PRKCA: variants seen among roughly 807,000 people sequenced by gnomAD.
PRKCA encodes protein kinase C alpha type.
Under a neutral mutation model 87.0 loss-of-function variants are expected in PRKCA, and 27 were observed. The observed-to-expected ratio is 0.31, with a 90% CI of 0.23 to 0.43. PRKCA has a LOEUF of 0.43. PRKCA is among the 20% of genes least tolerant of loss of function. The pLI, the probability that PRKCA is intolerant of heterozygous loss-of-function variation, is 1.00. For missense variants in PRKCA, 518 were observed against 852.3 expected (o/e 0.61, Z 4.88); for synonymous variants, 329 against 311.1 (o/e 1.06, Z -0.61).
chr17:66,518,763 T>C (rs540000572), intron 3 of PRKCA, among the ~76,000 whole-genome samples: 67 of 152,352 alleles, frequency 4.4e-4, no homozygotes, highest in Middle Eastern at 3.4e-3. Flanking sequence ...TCTCCTAAAC[T>C]GGGTGTGCAT....
At chr17:66,589,459 A>G (rs1225051253) in intron 3 of PRKCA, among the ~76,000 whole-genome samples, 2 of 152,086 alleles carry the variant, frequency 1.3e-5, no homozygotes, top group African/African-American at 4.8e-5. Context: ...GTAGTATTCC[A>G]TTGTTATCTT....
intron 2 of PRKCA, among the ~76,000 whole-genome samples, chr17:66,391,596 C>T (rs1186965309): frequency 6.6e-6 from 1 of 152,204 alleles, no homozygotes; most frequent in Admixed American, 6.5e-5. Flanking sequence ...TAGATGGTCA[C>T]TTAGTAGCCA....
At chr17:66,486,934 C>T (rs1026644788) in intron 2 of PRKCA, among the ~76,000 whole-genome samples, 1 of 152,008 alleles carries the variant, frequency 6.6e-6, no homozygotes, top group Admixed American at 6.6e-5. Context: ...ATCAGATGCA[C>T]CCCCAAAATA....
intron 2 of PRKCA, among the ~76,000 whole-genome samples, chr17:66,314,917 ATATG>A (rs1249677158): frequency 1.4e-5 from 2 of 146,000 alleles, no homozygotes; most frequent in Non-Finnish European, 3.0e-5. Context: ...ATGTATGTGT[ATATG>A]TGTGTATATA....
intron 2 of PRKCA, among the ~76,000 whole-genome samples, chr17:66,437,731 T>TTTTTTTTTAG (rs55779501): frequency 1.8e-4 from 2 of 11,142 alleles, no homozygotes; most frequent in African/African-American, 3.9e-4. Flanking sequence ...TTTTTTTTTT[T>TTTTTTTTTAG]GAGCGGGGGG....
intron 3 of PRKCA, among the ~76,000 whole-genome samples, chr17:66,585,981 T>C (rs1969583425): frequency 6.6e-6 from 1 of 152,198 alleles, no homozygotes; most frequent in South Asian, 2.1e-4. Context: ...GATTAACAAA[T>C]CTGTTGGGTG....
intron 16 of PRKCA, among the ~76,000 whole-genome samples, chr17:66,791,153 T>A (rs1201603924): frequency 9.6e-6 from 1 of 103,780 alleles, no homozygotes; most frequent in Non-Finnish European, 1.9e-5. Flanking sequence ...CCCCCCTCCC[T>A]TTTGTTTGTT....
chr17:66,753,342 C>A (rs185849629), intron 13 of PRKCA, among the ~76,000 whole-genome samples: 1 of 152,342 alleles, frequency 6.6e-6, no homozygotes, highest in East Asian at 1.9e-4. Flanking sequence ...CCTGTGAACA[C>A]CGCCCTGCTG....
chr17:66,329,764 C>G (rs965904719), intron 2 of PRKCA, among the ~76,000 whole-genome samples: 1 of 152,170 alleles, frequency 6.6e-6, no homozygotes, highest in Non-Finnish European at 1.5e-5. Flanking sequence ...AAAGGAAATA[C>G]CTCTGCAGCC....
intron 3 of PRKCA, among the ~76,000 whole-genome samples, chr17:66,580,877 A>G (rs530633450): frequency 3.3e-5 from 5 of 152,184 alleles, no homozygotes; most frequent in African/African-American, 1.2e-4. Flanking sequence ...GCTTTCTACC[A>G]ATGGGATCAT....
chr17:66,380,726 A>C (rs1271406950), intron 2 of PRKCA, among the ~76,000 whole-genome samples: 1 of 152,156 alleles, frequency 6.6e-6, no homozygotes, highest in Admixed American at 6.6e-5. Flanking sequence ...AATTGTAATT[A>C]CTTAAATTCA....
intron 3 of PRKCA, among the ~76,000 whole-genome samples, chr17:66,567,210 T>C (rs1408532021): frequency 6.6e-6 from 1 of 152,088 alleles, no homozygotes; most frequent in Non-Finnish European, 1.5e-5. Context: ...GAATATAAGG[T>C]AATTAATTTC....
intron 3 of PRKCA, among the ~76,000 whole-genome samples, chr17:66,540,165 G>A (rs985730336): frequency 6.6e-6 from 1 of 152,170 alleles, no homozygotes; most frequent in Non-Finnish European, 1.5e-5. Context: ...CTTGAATGCT[G>A]CTATTTCAGA....
chr17:66,502,322 C>T (rs977116467), intron 3 of PRKCA, among the ~76,000 whole-genome samples: 3 of 151,668 alleles, frequency 2.0e-5, no homozygotes, highest in African/African-American at 7.3e-5. Context: ...GCAGCCTCCA[C>T]CTCCCGGATT....
chr17:66,778,466 A>C (rs1361004861), intron 14 of PRKCA, among the ~76,000 whole-genome samples: 2 of 152,200 alleles, frequency 1.3e-5, no homozygotes, highest in Non-Finnish European at 2.9e-5. Flanking sequence ...CAGTGAGCCG[A>C]GATCGCGCCA....
chr17:66,759,793 G>A (rs1974640539), intron 13 of PRKCA, among the ~76,000 whole-genome samples: 2 of 152,208 alleles, frequency 1.3e-5, no homozygotes, highest in African/African-American at 4.8e-5. Context: ...TATATTAATT[G>A]CAGCTAGAGC....
At chr17:66,530,702 T>C (rs1218019777) in intron 3 of PRKCA, among the ~76,000 whole-genome samples, 1 of 152,152 alleles carries the variant, frequency 6.6e-6, no homozygotes, top group African/African-American at 2.4e-5. Flanking sequence ...CTGACCTACT[T>C]GAAGGCATTC....
chr17:66,767,780 C>G (rs910713378), intron 13 of PRKCA, among the ~76,000 whole-genome samples: 2 of 152,142 alleles, frequency 1.3e-5, no homozygotes, highest in Non-Finnish European at 2.9e-5. Flanking sequence ...CACTTCCTCT[C>G]CCTGTCCATT....
rs1053499899 is a variant in PRKCA, at chr17:66,805,171, G to A, written c.*1134G>A. ...TTGGTTCCCATTTCTAGTTCACGTT[G>A]AATGACAGGCCTGGAGCTGTAGAAT... On this transcript the variant is annotated 3_prime_UTR_variant, in exon 17 of 17. Coordinates refer to ENST00000413366, the MANE Select transcript of PRKCA (RefSeq NM_002737.3). The A allele has an allele frequency of 1.0e-6, 1 of 966,374 alleles. No homozygotes were observed. The highest frequency in any genetic ancestry group is 1.2e-6 in the Non-Finnish European group (1 of 812,524). 59.9% of individuals were successfully genotyped at this position (966,374 alleles called of 1,614,324 possible).
Sources: allele counts gnomAD v4.1 joint callset (sites outside exome capture counted in the v4.1 genomes callset), GRCh38; gene constraint gnomAD v4.1.1; transcripts MANE v1.5; gene names NCBI Gene and HGNC (gene_info 2026-07-23, HGNC 2026-07-21).